The following SMAD4 variants were observed in gnomAD, a reference collection of about 807,000 sequenced individuals.
SMAD4 encodes SMAD family member 4.
SMAD4 carries 7 observed loss-of-function variants against 63.2 expected under a neutral mutation model. The ratio of observed to expected loss-of-function variants is 0.11; its 90% CI spans 0.06 to 0.21. SMAD4 has a LOEUF of 0.21. Among genes scored for constraint, SMAD4 ranks in the 10% least tolerant of loss-of-function variants. SMAD4 has a pLI of 1.00. For synonymous variants in SMAD4, 215 were observed against 235.4 expected, an observed-to-expected ratio of 0.91 and a Z score of 0.79; for missense variants, 312 against 693.8, an observed-to-expected ratio of 0.45 and a Z score of 6.18.
At chr18:51,055,278 A>G (rs866600515) in intron 5 of SMAD4, among the ~76,000 whole-genome samples, 11 of 152,198 alleles carry the variant, frequency 7.2e-5, no homozygotes, top group South Asian at 2.1e-4. Flanking sequence ...AGAAATATTT[A>G]AATAATTAAC....
chr18:51,071,832 T>G (rs1910326247), intron 10 of SMAD4, among the ~76,000 whole-genome samples: 1 of 152,224 alleles, frequency 6.6e-6, no homozygotes, highest in South Asian at 2.1e-4. Flanking sequence ...TCTTTGTAGA[T>G]TTGCCTATTC....
intron 5 of SMAD4, among the ~76,000 whole-genome samples, chr18:51,055,547 T>A (rs1200624252): frequency 6.6e-6 from 1 of 152,010 alleles, no homozygotes; most frequent in Non-Finnish European, 1.5e-5. Flanking sequence ...AAAAAGTGTT[T>A]CAGAAAGATC....
In SMAD4 at chr18:51,081,024, T is replaced by G. The variant is rs1016149297; in HGVS notation, c.*2557T>G. ...TTAAGTGCTTATATTTGTACCTAGA[T>G]TTAGTCACACGCTTTTGAGAAAACA... On this transcript the variant is annotated 3_prime_UTR_variant, in exon 12 of 12. Transcript: ENST00000342988. 9.5e-6 allele frequency: 2 copies of G among 209,768 alleles called. No individual in the cohort carries two copies. The highest frequency in any genetic ancestry group is 4.5e-5 in the African/African-American group (2 of 44,062). The allele number at this position is 209,768 out of a possible 1,614,324, so 13.0% of individuals were successfully genotyped here. A position where few individuals can be genotyped will look rare whatever the true frequency, so the allele number is the denominator to read the frequency against.
chr18:51,037,795 G>A (rs1178446252), intron 1 of SMAD4, among the ~76,000 whole-genome samples: 3 of 152,150 alleles, frequency 2.0e-5, no homozygotes, highest in African/African-American at 7.2e-5. Context: ...TTAGATTTGA[G>A]TATTTGGCAG....
rs1392018321 is a variant in SMAD4 at position 51,080,435 on chromosome 18, T to C, written c.*1968T>C. The C allele has an allele frequency of 4.3e-6, 1 of 230,160 alleles. No homozygotes were observed. The highest frequency in any genetic ancestry group is 5.7e-5 in the Admixed American group (1 of 17,682). 14.3% of individuals were successfully genotyped at this position (230,160 alleles called of 1,614,324 possible). A position where few individuals can be genotyped will look rare whatever the true frequency, so the allele number is the denominator to read the frequency against. ...CATCTTCTCTAGAAATTGCTAACTT[T>C]AGGTCCATTTTACTGTGAATGAGGA... On this transcript the variant is annotated 3_prime_UTR_variant, in exon 12 of 12. Coordinates refer to ENST00000342988, the MANE Select transcript of SMAD4 (RefSeq NM_005359.6).
At chr18:51,065,295 T>TG in intron 8 of SMAD4, 128 bp from the exon 9 acceptor site, 1 of 765,120 alleles carries the variant, frequency 1.3e-6, no homozygotes, top group Non-Finnish European at 2.3e-6. Flanking sequence ...CCAGTTGTTT[T>TG]GGGTGCATTA....
chr18:51,082,568 C>CT lies in SMAD4; in HGVS notation c.*4108dup, dbSNP rs1035068570. 4.4e-5 allele frequency: 10 copies of CT among 227,684 alleles called. No homozygotes were observed. The highest frequency in any genetic ancestry group is 5.2e-5 in the Non-Finnish European group (6 of 114,796). The allele number at this position is 227,684 out of a possible 1,614,324, so 14.1% of individuals were successfully genotyped here. On this transcript the variant is annotated 3_prime_UTR_variant, in exon 12 of 12. Coordinates refer to ENST00000342988, the MANE Select transcript of SMAD4 (RefSeq NM_005359.6). ...GAAGTAAAACGTTTTAATTTTTAGC[C>CT]TTTTTTTGGTGGAGTTATTTAATAT...
chr18:51,059,786 TTAAG>T, intron 7 of SMAD4, 76 bp from the exon 8 acceptor site: 1 of 1,029,132 alleles, frequency 9.7e-7, no homozygotes, highest in Non-Finnish European at 1.5e-6. Context: ...ATAGTTATAT[TTAAG>T]TAAGATTTAC....
At chr18:51,051,130 A>G (rs1599184339) in intron 4 of SMAD4, 1 of 196,340 alleles carries the variant, frequency 5.1e-6, no homozygotes, top group East Asian at 1.4e-4. Flanking sequence ...GGAGACTGCA[A>G]TGATAAGTGT....
chr18:51,073,388 TACACACACAC>T (rs201632233), intron 10 of SMAD4, among the ~76,000 whole-genome samples: 1,356 of 63,906 alleles, frequency 0.021, 28 homozygotes, highest in East Asian at 0.078. Context: ...TATATATATA[TACACACACAC>T]ACACACACAC....
chr18:51,040,790 C>T (rs571546157), intron 1 of SMAD4, among the ~76,000 whole-genome samples: 19 of 152,340 alleles, frequency 1.2e-4, no homozygotes, highest in Non-Finnish European at 2.5e-4. Flanking sequence ...AATCAGCTGT[C>T]TCTTCTTGCT....
chr18:51,078,702 T>C lies in SMAD4; in HGVS notation c.*235T>C. ...GAGCTTGAAGATTAGGAGAAACACA[T>C]TCTTATTAATTCTTCACCTGTTATG... On this transcript the variant is annotated 3_prime_UTR_variant, in exon 12 of 12. Coordinates refer to ENST00000342988, the MANE Select transcript of SMAD4 (RefSeq NM_005359.6). The C allele has an allele frequency of 2.0e-6, 1 of 511,668 alleles. No homozygotes were observed. The highest frequency in any genetic ancestry group is 3.5e-6 in the Non-Finnish European group (1 of 287,090). 31.7% of individuals were successfully genotyped at this position (511,668 alleles called of 1,614,324 possible). A position where few individuals can be genotyped will look rare whatever the true frequency, so the allele number is the denominator to read the frequency against.
chr18:51,040,016 T>G (rs538356294), intron 1 of SMAD4, among the ~76,000 whole-genome samples: 33 of 152,302 alleles, frequency 2.2e-4, no homozygotes, highest in African/African-American at 5.8e-4. Flanking sequence ...CTGCAGACAG[T>G]TGCACTAACC....
intron 1 of SMAD4, among the ~76,000 whole-genome samples, chr18:51,038,696 G>C (rs1345617687): frequency 6.6e-6 from 1 of 152,188 alleles, no homozygotes; most frequent in Admixed American, 6.5e-5. Flanking sequence ...ATGTAAAACA[G>C]TGTTACTCTG....
intron 4 of SMAD4, among the ~76,000 whole-genome samples, chr18:51,049,963 T>C (rs116813823): frequency 4.6e-5 from 7 of 152,282 alleles, no homozygotes; most frequent in African/African-American, 1.7e-4. Flanking sequence ...TATTGTAATA[T>C]TTGAGAATGG....
At chr18:51,043,275 T>C (rs1909442996) in intron 1 of SMAD4, among the ~76,000 whole-genome samples, 1 of 152,230 alleles carries the variant, frequency 6.6e-6, no homozygotes, top group African/African-American at 2.4e-5. Context: ...GTGCTTTGTA[T>C]ATACAGTGTT....
rs1910686255 is a variant in SMAD4 at position 51,084,044 on chromosome 18, A to T, written c.*5577A>T. The T allele has an allele frequency of 4.4e-6, 1 of 226,840 alleles. No homozygotes were observed. 14.1% of individuals were successfully genotyped at this position (226,840 alleles called of 1,614,324 possible). A position where few individuals can be genotyped will look rare whatever the true frequency, so the allele number is the denominator to read the frequency against. The stretch of plus-strand genomic sequence containing the variant: ...CACACACACACACACACACACACAC[A>T]GGTCAGAGTTTAAGGCTTTCGAGTC... On this transcript the variant is annotated 3_prime_UTR_variant, in exon 12 of 12. Coordinates refer to ENST00000342988, the MANE Select transcript of SMAD4 (RefSeq NM_005359.6).
At chr18:51,051,377 C>T (rs917474106) in intron 4 of SMAD4, 2 of 456,050 alleles carry the variant, frequency 4.4e-6, no homozygotes, top group Admixed American at 2.4e-5. Context: ...TTTCTCACAG[C>T]TCCTTCTAGA....
chr18:51,077,364 G>T lies in SMAD4; in HGVS notation c.1447+588G>T, dbSNP rs1910497210. 4 of 984,184 alleles carry T rather than the reference G, an allele frequency of 4.1e-6. No homozygotes were observed. In the South Asian group the frequency reaches 1.4e-4, roughly 35 times the overall value. 61.0% of individuals were successfully genotyped at this position (984,184 alleles called of 1,614,324 possible). A position where few individuals can be genotyped will look rare whatever the true frequency, so the allele number is the denominator to read the frequency against. On this transcript the variant is annotated intron_variant, in intron 11 of 11. Transcript: ENST00000342988. The stretch of plus-strand genomic sequence containing the variant: ...GAAACACGTGGCACCCATCTTCCAC[G>T]TCTGAAGGCATAACTAGTGATTCAT...
Sources: gnomAD v4.1 joint callset for allele counts (sites outside exome capture counted in the v4.1 genomes callset) on GRCh38, gnomAD v4.1.1 for gene constraint, MANE v1.5 for transcripts, NCBI Gene and HGNC (gene_info 2026-07-23, HGNC 2026-07-21) for gene names.